PTPRD: variants seen among roughly 807,000 people sequenced by gnomAD.
PTPRD encodes protein tyrosine phosphatase receptor type D.
A neutral mutation model predicts 214.5 loss-of-function variants in PTPRD; 34 were observed. The ratio of observed to expected loss-of-function variants is 0.16; its 90% confidence interval spans 0.12 to 0.21. PTPRD has a LOEUF of 0.21. Ranked by LOEUF, PTPRD falls within the 10% of genes least tolerant of loss-of-function variation. The pLI is 1.00. For synonymous variants in PTPRD, 1,128 were observed against 845.7 expected (o/e 1.33, Z -5.79); for missense variants, 2,545 against 2,398.7 (o/e 1.06, Z -1.27).
At chr9:8,399,096 C>CT (rs371669292) in intron 36 of PTPRD, among the ~76,000 whole-genome samples, 21,954 of 137,614 alleles carry the variant, frequency 0.16, 2,870 homozygotes, top group African/African-American at 0.32. Context: ...GCCCACTAAG[C>CT]TTTTTTTTTT....
intron 3 of PTPRD, among the ~76,000 whole-genome samples, chr9:10,102,169 C>G (rs2154215003): frequency 6.6e-6 from 1 of 151,592 alleles, no homozygotes; most frequent in East Asian, 1.9e-4. Flanking sequence ...GACCAGTTGG[C>G]TTTTCATGCC....
At chr9:10,101,741 G>A (rs1427223546) in intron 3 of PTPRD, among the ~76,000 whole-genome samples, 1 of 151,660 alleles carries the variant, frequency 6.6e-6, no homozygotes, top group Admixed American at 6.6e-5. Flanking sequence ...TTGTGCAATG[G>A]AAAGGTGACC....
At chr9:9,669,471 T>G (rs1379069910) in intron 7 of PTPRD, among the ~76,000 whole-genome samples, 1 of 152,146 alleles carries the variant, frequency 6.6e-6, no homozygotes, top group Non-Finnish European at 1.5e-5. Flanking sequence ...AATTTGTGAG[T>G]GCTTTAGAAG....
chr9:8,447,889 CACA>C (rs1211276843), intron 34 of PTPRD, among the ~76,000 whole-genome samples: 1 of 152,106 alleles, frequency 6.6e-6, no homozygotes. Flanking sequence ...TTTCTATTTC[CACA>C]ACATGTTGCT....
intron 2 of PTPRD, among the ~76,000 whole-genome samples, chr9:10,407,222 T>C (rs1009699994): frequency 9.2e-5 from 14 of 151,544 alleles, no homozygotes; most frequent in African/African-American, 3.4e-4. Context: ...AAAATATTGT[T>C]CTATATGATT....
chr9:9,846,620 G>A (rs1392019937), intron 5 of PTPRD, among the ~76,000 whole-genome samples: 1 of 152,134 alleles, frequency 6.6e-6, no homozygotes, highest in Non-Finnish European at 1.5e-5. Flanking sequence ...GGTGGACTAT[G>A]TCAAGGAGTT....
intron 2 of PTPRD, among the ~76,000 whole-genome samples, chr9:10,590,877 T>C (rs1367612141): frequency 6.6e-6 from 1 of 151,056 alleles, no homozygotes; most frequent in Admixed American, 6.6e-5. Context: ...GAAAACTGAA[T>C]ACCTTGTATA....
At chr9:9,145,421 T>C (rs938439595) in intron 10 of PTPRD, among the ~76,000 whole-genome samples, 1 of 151,176 alleles carries the variant, frequency 6.6e-6, no homozygotes, top group Non-Finnish European at 1.5e-5. Flanking sequence ...AGTTTAGATA[T>C]TGAGTGTCCT....
intron 8 of PTPRD, among the ~76,000 whole-genome samples, chr9:9,415,616 A>G (rs984448401): frequency 1.3e-5 from 2 of 152,218 alleles, no homozygotes; most frequent in Admixed American, 6.5e-5. Flanking sequence ...TTCAACAGAC[A>G]CTGATTTAAT....
chr9:9,377,917 AT>A (rs58869276), intron 9 of PTPRD, among the ~76,000 whole-genome samples: 7,637 of 151,426 alleles, frequency 0.05, 616 homozygotes, highest in African/African-American at 0.17. Flanking sequence ...TCTTAAGACT[AT>A]TTTTTTTTAA....
intron 37 of PTPRD, among the ~76,000 whole-genome samples, chr9:8,378,591 T>A (rs2083960942): frequency 6.6e-6 from 1 of 152,028 alleles, no homozygotes; most frequent in Non-Finnish European, 1.5e-5. Flanking sequence ...AGAGAGAAAC[T>A]CAAATTCATC....
At chr9:10,234,018 C>T (rs1044865964) in intron 3 of PTPRD, among the ~76,000 whole-genome samples, 10 of 151,184 alleles carry the variant, frequency 6.6e-5, no homozygotes, top group East Asian at 2.0e-4. Context: ...TTTTGGAGGC[C>T]GAGGCGGGTG....
At chr9:9,429,286 A>T (rs189707761) in intron 8 of PTPRD, among the ~76,000 whole-genome samples, 1 of 152,340 alleles carries the variant, frequency 6.6e-6, no homozygotes, top group Non-Finnish European at 1.5e-5. Flanking sequence ...TATGCAAATA[A>T]ACTACAAAAT....
At chr9:8,733,968 AAAG>A in intron 11 of PTPRD, 22 bp from the exon 12 acceptor site, 1 of 956,564 alleles carries the variant, frequency 1.0e-6, no homozygotes, top group Non-Finnish European at 1.6e-6. Flanking sequence ...GAGGAAGAGA[AAAG>A]AAAAGGAAGA....
intron 32 of PTPRD, among the ~76,000 whole-genome samples, chr9:8,463,753 T>C (rs1279479846): frequency 6.6e-6 from 1 of 151,928 alleles, no homozygotes; most frequent in East Asian, 1.9e-4. Context: ...GACAAAGGAT[T>C]AGGGGATAGC....
intron 35 of PTPRD, among the ~76,000 whole-genome samples, chr9:8,412,592 A>G (rs995725398): frequency 6.6e-6 from 1 of 152,156 alleles, no homozygotes; most frequent in Non-Finnish European, 1.5e-5. Context: ...GTTATTACTA[A>G]AAGAATGCTA....
At chr9:9,430,263 C>A (rs185801315) in intron 8 of PTPRD, among the ~76,000 whole-genome samples, 67 of 152,142 alleles carry the variant, frequency 4.4e-4, no homozygotes, top group Admixed American at 7.2e-4. Flanking sequence ...CAATAACAGA[C>A]AAACAGAGAG....
intron 3 of PTPRD, among the ~76,000 whole-genome samples, chr9:10,053,257 T>C (rs565115890): frequency 5.3e-5 from 8 of 152,262 alleles, no homozygotes; most frequent in Admixed American, 5.2e-4. Flanking sequence ...CTGTTTGAAG[T>C]TTAATATTTT....
intron 5 of PTPRD, among the ~76,000 whole-genome samples, chr9:9,827,509 A>C (rs2053343261): frequency 6.6e-6 from 1 of 152,204 alleles, no homozygotes; most frequent in African/African-American, 2.4e-5. Flanking sequence ...AATTAATTCA[A>C]GATGGATTAA....
Sources: allele counts gnomAD v4.1 joint callset (sites outside exome capture counted in the v4.1 genomes callset), GRCh38; gene constraint gnomAD v4.1.1; transcripts MANE v1.5; gene names NCBI Gene and HGNC (gene_info 2026-07-23, HGNC 2026-07-21).